The following VCAN variants were observed in gnomAD, a reference collection of about 807,000 sequenced individuals.
VCAN encodes the protein versican, also known as versican core protein.
A neutral mutation model predicts 245.5 loss-of-function variants in VCAN; 44 were observed. The ratio of observed to expected loss-of-function variants is 0.18; its 90% CI spans 0.14 to 0.23. VCAN has a LOEUF of 0.23. VCAN is among the 10% of genes least tolerant of loss of function. The pLI is 1.00. For synonymous variants in VCAN, 1,413 were observed against 1,437.0 expected (o/e 0.98, Z 0.38); for missense variants, 3,793 against 4,057.9 (o/e 0.93, Z 1.77).
intron 7 of VCAN, among the ~76,000 whole-genome samples, chr5:83,529,992 T>C (rs1188012029): frequency 6.6e-6 from 1 of 152,192 alleles, no homozygotes; most frequent in Non-Finnish European, 1.5e-5. Context: ...AAGCCAAGTA[T>C]AATTGTACTT....
chr5:83,503,639 A>C (rs1745398053), intron 5 of VCAN, among the ~76,000 whole-genome samples: 1 of 152,244 alleles, frequency 6.6e-6, no homozygotes, highest in Non-Finnish European at 1.5e-5. Flanking sequence ...TATAAGCACT[A>C]ATGAACAGAA....
chr5:83,513,388 A>G (rs960906558), intron 6 of VCAN, among the ~76,000 whole-genome samples: 11 of 152,230 alleles, frequency 7.2e-5, no homozygotes, highest in African/African-American at 1.9e-4. Flanking sequence ...AGCTTATTAT[A>G]TAATTGATTT....
chr5:83,554,031 G>C (rs1315760420), intron 11 of VCAN, among the ~76,000 whole-genome samples: 1 of 152,202 alleles, frequency 6.6e-6, no homozygotes, highest in African/African-American at 2.4e-5. Context: ...TGGAAAGTGA[G>C]CTACATCCTA....
Position 83,572,606 on chromosome 5 carries a change from T to G in VCAN, c.9880+46T>G, listed in dbSNP as rs2112499590. 3 of 1,609,072 alleles carry G rather than the reference T, an allele frequency of 1.9e-6. No homozygotes were observed. In the East Asian group the frequency reaches 6.7e-5, roughly 36 times the overall value. On this transcript the variant is annotated intron_variant, in intron 13 of 14. Transcript: ENST00000265077. ...AATGTGTACTTAATCTTCATTTCAATTATAAAGATAATTCAGGAATTTGTG... is the reference window on the plus strand; with the variant it reads ...AATGTGTACTTAATCTTCATTTCAAGTATAAAGATAATTCAGGAATTTGTG...
intron 1 of VCAN, among the ~76,000 whole-genome samples, chr5:83,476,326 T>C (rs1358930372): frequency 6.6e-6 from 1 of 152,218 alleles, no homozygotes; most frequent in Non-Finnish European, 1.5e-5. Flanking sequence ...GTATTTAAAA[T>C]GGGATATTGC....
At chr5:83,493,986 C>A in intron 5 of VCAN, 55 bp downstream of exon 5, 1 of 1,612,186 alleles carries the variant, frequency 6.2e-7, no homozygotes, top group Non-Finnish European at 8.5e-7. Flanking sequence ...TGAGGGAAGA[C>A]CAGAAGTTCA....
Position 83,519,831 on chromosome 5 carries a change from C to T in VCAN, c.1525C>T (p.Pro509Ser), listed in dbSNP as rs752532697. The T allele has an allele frequency of 2.5e-6, 4 of 1,613,998 alleles. No homozygotes were observed. The African/African-American group carries it at 5.3e-5, about 22-fold the overall frequency. ...VTSMEILKHI[P>S]SKEFPVTETP... ...ATCTATGGAAATCTTAAAGCACATTCCTTCCAAGGAATTCCCTGTAACTGA... is the reference window on the plus strand; with the variant it reads ...ATCTATGGAAATCTTAAAGCACATTTCTTCCAAGGAATTCCCTGTAACTGA... Residue 509 changes from proline (P) to serine (S), a missense_variant, in exon 7 of 15, where the codon CCT becomes TCT. Physicochemically the swap from Pro to Ser is moderately conservative, Grantham distance 74. This residue lies in a region of VCAN where 3,182 missense variants were observed against 3,250.3 expected (regional missense o/e 0.98). Coordinates refer to ENST00000265077, the MANE Select transcript of VCAN (RefSeq NM_004385.5).
intron 13 of VCAN, among the ~76,000 whole-genome samples, chr5:83,578,410 A>T (rs1421495211): frequency 1.3e-5 from 2 of 152,030 alleles, no homozygotes; most frequent in African/African-American, 2.4e-5. Context: ...TGACAAAATA[A>T]TCTGTAAAAC....
chr5:83,565,901 A>G (rs1748061473), intron 12 of VCAN, among the ~76,000 whole-genome samples: 1 of 142,492 alleles, frequency 7.0e-6, no homozygotes, highest in South Asian at 2.6e-4. Context: ...ATTTTTTAAC[A>G]CAAGGAAAAA....
Position 83,541,488 on chromosome 5 carries a change from C to T in VCAN, c.8485C>T (p.Leu2829Phe), listed in dbSNP as rs775247871. The T allele has an allele frequency of 1.2e-6, 2 of 1,614,066 alleles. No individual in the cohort carries two copies. The highest frequency in any genetic ancestry group is 2.2e-5 in the South Asian group (2 of 91,078). ...GTCTTCTCAGACACCATCATCTCCC[C>T]TCACTATCTACTCAGGCAGTGAAGC... ...KLSSQTPSSP[L>F]TIYSGSEASG... Residue 2829 changes from leucine to phenylalanine, a missense_variant, in exon 8 of 15, where the codon CTC (leucine) becomes TTC (phenylalanine). Physicochemically the swap from Leu to Phe is conservative, Grantham distance 22. Coordinates refer to ENST00000265077, the MANE Select transcript of VCAN (RefSeq NM_004385.5).
intron 12 of VCAN, among the ~76,000 whole-genome samples, chr5:83,563,898 G>A (rs978443076): frequency 9.9e-5 from 15 of 152,142 alleles, no homozygotes; most frequent in African/African-American, 3.6e-4. Flanking sequence ...CCTCTCCTAA[G>A]GATTTTAGGT....
intron 5 of VCAN, among the ~76,000 whole-genome samples, chr5:83,502,093 C>A (rs2112373074): frequency 6.6e-6 from 1 of 152,128 alleles, no homozygotes; most frequent in Non-Finnish European, 1.5e-5. Context: ...TTGTTTATTA[C>A]AAGTGTACAG....
chr5:83,523,863 G>A (rs1010629410), intron 7 of VCAN, among the ~76,000 whole-genome samples: 64 of 152,150 alleles, frequency 4.2e-4, no homozygotes, highest in Admixed American at 3.2e-3. Context: ...TGAGGATTGC[G>A]TTAGGCTGGA....
At chr5:83,543,889 A>G (rs1561260877) in intron 8 of VCAN, among the ~76,000 whole-genome samples, 1 of 152,226 alleles carries the variant, frequency 6.6e-6, no homozygotes, top group African/African-American at 2.4e-5. Flanking sequence ...CAACTTTCAG[A>G]GGTTAATACG....
In VCAN at chr5:83,519,339, A is replaced by T; in HGVS notation, c.1043-10A>T. The T allele has an allele frequency of 6.2e-7, 1 of 1,613,416 alleles. No individual in the cohort carries two copies. The highest frequency in any genetic ancestry group is 8.5e-7 in the Non-Finnish European group (1 of 1,179,644). ...CTTGTCTAATCAACTCTTTGAAATT[A>T]TTTTTCTAGCTAAAGAGGCTACAAC... On this transcript the variant is annotated splice_polypyrimidine_tract_variant and intron_variant, in intron 6 of 14. Coordinates refer to ENST00000265077, the MANE Select transcript of VCAN (RefSeq NM_004385.5).
In VCAN at chr5:83,537,894, T is replaced by G; in HGVS notation, c.4891T>G (p.Ser1631Ala). ...AACTCCTAGACAAGTTGTAGAGCTC[T>G]CAGGGAGTTCTTCGATTCCAATTAC... ...EATPRQVVEL[S>A]GSSSIPITEG... The change falls in exon 8 of 15, where the codon TCA becomes GCA. Residue 1631 changes from serine to alanine, a missense_variant. Ser to Ala is a moderately conservative substitution (Grantham distance 99). Around this residue, in one of 5 missense-constraint regions of VCAN, gnomAD observed 3,182 missense variants for 3,250.3 expected, o/e 0.98. Transcript: ENST00000265077. 6.2e-7 allele frequency: 1 copy of G among 1,613,972 alleles called. No individual in the cohort carries two copies.
intron 11 of VCAN, among the ~76,000 whole-genome samples, chr5:83,554,163 G>T (rs1278471486): frequency 6.6e-6 from 1 of 152,198 alleles, no homozygotes; most frequent in Non-Finnish European, 1.5e-5. Flanking sequence ...GTAGAAATTT[G>T]TTGCTCATAA....
rs1251768139 is a variant in VCAN, at chr5:83,471,973, G to T, written c.-57G>T. 2 of 387,868 alleles carry T rather than the reference G, an allele frequency of 5.2e-6. No homozygotes were observed. Among genetic ancestry groups the T allele is most frequent in the Non-Finnish European group, 9.1e-6 (2 of 219,908 alleles). 24.0% of individuals were successfully genotyped at this position (387,868 alleles called of 1,614,324 possible). A position where few individuals can be genotyped will look rare whatever the true frequency, so the allele number is the denominator to read the frequency against. ...CCTGGGCAACGCCGAACCCAGTCGCGCAGCGCTGCAGTGAATTTTCCCCCC... is the reference window on the plus strand; with the variant it reads ...CCTGGGCAACGCCGAACCCAGTCGCTCAGCGCTGCAGTGAATTTTCCCCCC... On this transcript the variant is annotated 5_prime_UTR_variant, in exon 1 of 15. Transcript: ENST00000265077.
intron 1 of VCAN, among the ~76,000 whole-genome samples, chr5:83,473,974 C>T (rs542642332): frequency 8.1e-4 from 123 of 152,200 alleles, no homozygotes; most frequent in African/African-American, 2.9e-3. Flanking sequence ...GGGTCCAGTT[C>T]GCCGCTTAGT....
Sources: allele counts gnomAD v4.1 joint callset (sites outside exome capture counted in the v4.1 genomes callset), GRCh38; gene constraint gnomAD v4.1.1; regional missense constraint gnomAD v4.1.1; transcripts MANE v1.5; gene names NCBI Gene and HGNC (gene_info 2026-07-23, HGNC 2026-07-21).